MTA3: variants seen among roughly 807,000 people sequenced by gnomAD.
MTA3 encodes the protein metastasis associated 1 family member 3, also known as metastasis-associated protein MTA3.
Under a neutral mutation model 83.5 loss-of-function variants are expected in MTA3, and 34 were observed. The observed-to-expected ratio is 0.41, with a 90% CI of 0.31 to 0.54. The LOEUF is 0.54. Among genes scored for constraint, MTA3 ranks in the 20% least tolerant of loss-of-function variants. MTA3 has a pLI of 0.33. For synonymous variants in MTA3, 303 were observed against 252.7 expected, an observed-to-expected ratio of 1.20 and a Z score of -1.89; for missense variants, 761 against 726.4, an observed-to-expected ratio of 1.05 and a Z score of -0.55.
Position 42,568,777 on chromosome 2 carries a change from G to C in MTA3, c.28+4G>C. 8.2e-7 allele frequency: 1 copy of C among 1,216,878 alleles called. No homozygotes were observed. The highest frequency in any genetic ancestry group is 1.0e-6 in the Non-Finnish European group (1 of 978,300). 75.4% of individuals were successfully genotyped at this position (1,216,878 alleles called of 1,614,324 possible). ...GCCAACATGTACCGGGTCGGAGGTA[G>C]GCAGGCTCGGCCCGACCCGGCCCGT... On this transcript the variant is annotated splice_donor_region_variant and intron_variant, in intron 1 of 16. Transcript: ENST00000405094.
chr2:42,573,240 A>G (rs1678689006), intron 2 of MTA3, among the ~76,000 whole-genome samples: 2 of 152,188 alleles, frequency 1.3e-5, no homozygotes. Context: ...TAACTTGTTC[A>G]GTTTTGTCTT....
intron 3 of MTA3, among the ~76,000 whole-genome samples, chr2:42,598,448 C>G (rs1462098804): frequency 3.3e-5 from 5 of 152,178 alleles, no homozygotes; most frequent in Non-Finnish European, 1.5e-5. Flanking sequence ...TTTCATTTAG[C>G]ATTCCAAATC....
chr2:42,508,781 A>T (rs1674759108), intron 2 of MTA3, among the ~76,000 whole-genome samples: 1 of 147,170 alleles, frequency 6.8e-6, no homozygotes, highest in Admixed American at 6.9e-5. Flanking sequence ...AATATATTTA[A>T]TATATCATAG....
intron 10 of MTA3, among the ~76,000 whole-genome samples, chr2:42,697,410 G>C (rs991162837): frequency 4.6e-5 from 7 of 152,196 alleles, no homozygotes; most frequent in Non-Finnish European, 1.0e-4. Flanking sequence ...GTGAGAGTGT[G>C]TGTGTTTTCT....
chr2:42,633,260 C>T (rs1199625678), intron 4 of MTA3, among the ~76,000 whole-genome samples: 2 of 150,576 alleles, frequency 1.3e-5, no homozygotes, highest in Non-Finnish European at 3.0e-5. Flanking sequence ...GCATGGTGAC[C>T]GAGTGAAAGT....
intron 2 of MTA3, among the ~76,000 whole-genome samples, chr2:42,499,027 G>C (rs1228775471): frequency 6.6e-6 from 1 of 152,138 alleles, no homozygotes; most frequent in Non-Finnish European, 1.5e-5. Flanking sequence ...TGTTTACAGA[G>C]CTCTAATACA....
At chr2:42,662,857 G>A (rs769146599) in intron 8 of MTA3, among the ~76,000 whole-genome samples, 10 of 151,052 alleles carry the variant, frequency 6.6e-5, no homozygotes, top group Admixed American at 1.3e-4. Context: ...TCAGCCTCCC[G>A]AGTAGCTGGG....
intron 14 of MTA3, among the ~76,000 whole-genome samples, chr2:42,715,373 TCA>T (rs1666949028): frequency 6.6e-6 from 1 of 151,906 alleles, no homozygotes; most frequent in African/African-American, 2.4e-5. Context: ...TCTAATTTTT[TCA>T]CAGTTGAGAC....
At chr2:42,643,155 T>C (rs1232278109) in intron 5 of MTA3, among the ~76,000 whole-genome samples, 1 of 151,904 alleles carries the variant, frequency 6.6e-6, no homozygotes, top group Non-Finnish European at 1.5e-5. Context: ...TTTTTTTCCC[T>C]TTCCCCTTAT....
intron 2 of MTA3, among the ~76,000 whole-genome samples, chr2:42,497,841 C>G (rs1674215750): frequency 6.6e-6 from 1 of 152,164 alleles, no homozygotes; most frequent in African/African-American, 2.4e-5. Flanking sequence ...TCCTTTAGCC[C>G]AAATCAGCCA....
At chr2:42,734,479 T>C (rs2104569198) in intron 16 of MTA3, among the ~76,000 whole-genome samples, 1 of 150,668 alleles carries the variant, frequency 6.6e-6, no homozygotes, top group African/African-American at 2.4e-5. Context: ...CCTTTTTTTT[T>C]TTTTTTTTTT....
rs1687586443 is a variant in MTA3, at chr2:42,640,225, C to T, written c.370C>T (p.Leu124Phe). ...TGAGACAGAATCAGTATTGTCATAT[C>T]TTGATAAGGAGGTAATTCACAATCA... is the stretch of plus-strand genomic sequence containing the variant. ...LNETESVLSY[L>F]DKEDTFFYSL... is the part of the protein sequence containing the mutation. Residue 124 changes from leucine (L) to phenylalanine (F), a missense_variant, in exon 5 of 17, where the codon CTT (leucine) becomes TTT (phenylalanine). Leu to Phe is a conservative substitution (Grantham distance 22). Coordinates refer to ENST00000405094, the MANE Select transcript of MTA3 (RefSeq NM_001330442.2). The T allele has an allele frequency of 6.2e-7, 1 of 1,605,268 alleles. No homozygotes were observed. The highest frequency in any genetic ancestry group is 8.5e-7 in the Non-Finnish European group (1 of 1,176,232).
intron 8 of MTA3, among the ~76,000 whole-genome samples, chr2:42,679,782 G>A (rs1214325409): frequency 6.6e-6 from 1 of 151,228 alleles, no homozygotes; most frequent in East Asian, 1.9e-4. Context: ...CAGCACCATA[G>A]TTCCTCATCA....
chr2:42,604,828 A>G (rs997693989), intron 3 of MTA3, among the ~76,000 whole-genome samples: 4 of 149,444 alleles, frequency 2.7e-5, no homozygotes, highest in African/African-American at 7.4e-5. Flanking sequence ...AACAAAGCAC[A>G]TATTGCACCG....
At chr2:42,685,662 AG>A (rs1421876725) in intron 9 of MTA3, among the ~76,000 whole-genome samples, 1 of 152,140 alleles carries the variant, frequency 6.6e-6, no homozygotes, top group Non-Finnish European at 1.5e-5. Context: ...ACTGCCCCTT[AG>A]GTCATGGTTG....
intron 9 of MTA3, among the ~76,000 whole-genome samples, chr2:42,691,110 C>T (rs1692853443): frequency 6.6e-6 from 1 of 152,000 alleles, no homozygotes; most frequent in African/African-American, 2.4e-5. Flanking sequence ...CTCCTGGCCT[C>T]AAGCAATCCG....
intron 9 of MTA3, among the ~76,000 whole-genome samples, chr2:42,688,275 A>G (rs992908584): frequency 1.3e-5 from 2 of 152,138 alleles, no homozygotes; most frequent in South Asian, 2.1e-4. Context: ...GTATAGATGC[A>G]GTCTCACCAT....
intron 3 of MTA3, 33 bp downstream of exon 3, chr2:42,579,233 T>C (rs1296063810): frequency 1.3e-6 from 2 of 1,482,882 alleles, no homozygotes; most frequent in Non-Finnish European, 1.8e-6. Context: ...AAAAAACGTT[T>C]TAAGTCTTGT....
rs756683649 is a variant in MTA3 at position 42,570,504 on chromosome 2, G to C, written c.96G>C (p.Lys32Asn). The change falls in exon 2 of 17, where the codon AAG becomes AAC. Residue 32 changes from lysine to asparagine, a missense_variant and splice_region_variant. Physicochemically the swap from Lys to Asn is moderately conservative, Grantham distance 94. Coordinates refer to ENST00000405094, the MANE Select transcript of MTA3 (RefSeq NM_001330442.2). ...TAAGAAGGATAGAAGAACTCAACAA[G>C]GTATACACTGAGTGTTCTTAATTTT... ...YLIRRIEELN[K>N]TASGNVEAKV... 6 of 1,462,456 alleles carry C rather than the reference G, an allele frequency of 4.1e-6. No homozygotes were observed. The allele number at this position is 1,462,456 out of a possible 1,614,324, so 90.6% of individuals were successfully genotyped here. A position where few individuals can be genotyped will look rare whatever the true frequency, so the allele number is the denominator to read the frequency against.
Sources: allele counts gnomAD v4.1 joint callset (sites outside exome capture counted in the v4.1 genomes callset), GRCh38; gene constraint gnomAD v4.1.1; transcripts MANE v1.5; gene names NCBI Gene and HGNC (gene_info 2026-07-23, HGNC 2026-07-21).